Variants in CTNNA2 observed in about 807,000 individuals in gnomAD.
CTNNA2 encodes the protein catenin alpha-2.
A neutral mutation model predicts 101.0 loss-of-function variants in CTNNA2; 42 were observed. The observed-to-expected ratio is 0.42, with a 90% confidence interval of 0.32 to 0.54. The LOEUF (loss-of-function observed/expected upper bound fraction) is 0.54. Among genes scored for constraint, CTNNA2 ranks in the 20% least tolerant of loss-of-function variants. The pLI is 0.14. For synonymous variants in CTNNA2, 450 were observed against 456.4 expected, an observed-to-expected ratio of 0.99 and a Z score of 0.18; for missense variants, 871 against 1,223.1, an observed-to-expected ratio of 0.71 and a Z score of 4.29.
At chr2:80,383,307 T>A (rs1430996585) in intron 7 of CTNNA2, among the ~76,000 whole-genome samples, 2 of 152,164 alleles carry the variant, frequency 1.3e-5, no homozygotes, top group African/African-American at 4.8e-5. Context: ...AAATCATCTA[T>A]CCCTTTCATA....
chr2:79,413,590 TG>T (rs1678442080), intron 4 of CTNNA2, among the ~76,000 whole-genome samples: 1 of 152,064 alleles, frequency 6.6e-6, no homozygotes, highest in African/African-American at 2.4e-5. Flanking sequence ...GAAGTGGAAT[TG>T]CTGAGTCACA....
intron 7 of CTNNA2, among the ~76,000 whole-genome samples, chr2:80,091,482 G>A (rs1699788823): frequency 6.6e-6 from 1 of 152,128 alleles, no homozygotes; most frequent in African/African-American, 2.4e-5. Context: ...GAGAAAGGTT[G>A]TAAAAACGAT....
chr2:80,076,311 C>G (rs1192930836), intron 7 of CTNNA2, among the ~76,000 whole-genome samples: 1 of 151,106 alleles, frequency 6.6e-6, no homozygotes, highest in African/African-American at 2.4e-5. Flanking sequence ...TAGGATCTCA[C>G]TCTGTTGCTA....
intron 6 of CTNNA2, among the ~76,000 whole-genome samples, chr2:79,906,347 G>A (rs11126745): frequency 0.19 from 28,413 of 151,812 alleles, 2,785 homozygotes; most frequent in Admixed American, 0.22. Context: ...ACCTCTTCCC[G>A]TGCACATGTG....
Position 79,209,968 on chromosome 2 carries a change from T to TG in CTNNA2, c.-406+11899dup, listed in dbSNP as rs1261295441. Among the ~76,000 whole-genome samples the TG allele has an allele frequency of 7.5e-5, 11 of 147,230 alleles. No homozygotes were observed. In the South Asian group the frequency reaches 1.6e-3, roughly 21 times the overall value. On this transcript the variant is annotated intron_variant, in intron 2 of 21. Coordinates refer to the CTNNA2 transcript ENST00000466387. Reference sequence around the variant, plus strand: ...TTCTTGGTAGTCTGTGTGTGTGTGTTGGGGGGGCGGGGGTGTGGCGGGGGT... The same window carrying TG: ...TTCTTGGTAGTCTGTGTGTGTGTGTTGGGGGGGGCGGGGGTGTGGCGGGGGT...
At chr2:80,136,487 C>T (rs1702703138) in intron 7 of CTNNA2, among the ~76,000 whole-genome samples, 1 of 152,194 alleles carries the variant, frequency 6.6e-6, no homozygotes, top group Non-Finnish European at 1.5e-5. Flanking sequence ...GTTTCCAAAA[C>T]TTGACCTCTT....
chr2:79,233,786 C>T (rs1235804345), intron 2 of CTNNA2, among the ~76,000 whole-genome samples: 1 of 151,808 alleles, frequency 6.6e-6, no homozygotes, highest in South Asian at 2.1e-4. Context: ...TGAAATGAAC[C>T]CTTTATCATT....
chr2:79,460,962 C>T (rs1423179265), intron 4 of CTNNA2, among the ~76,000 whole-genome samples: 2 of 152,164 alleles, frequency 1.3e-5, no homozygotes, highest in Non-Finnish European at 2.9e-5. Flanking sequence ...CTGTCTCAGC[C>T]TCCCAAGTAG....
intron 2 of CTNNA2, among the ~76,000 whole-genome samples, chr2:79,256,044 A>G (rs1674840052): frequency 6.6e-6 from 1 of 152,154 alleles, no homozygotes; most frequent in South Asian, 2.1e-4. Flanking sequence ...CAATTATCTC[A>G]TGGAGTTATT....
chr2:80,570,909 G>A (rs577893262), intron 12 of CTNNA2, among the ~76,000 whole-genome samples: 20 of 152,194 alleles, frequency 1.3e-4, no homozygotes, highest in Non-Finnish European at 2.4e-4. Context: ...GTATGTCACA[G>A]CATTACTAGA....
chr2:80,636,334 T>TA (rs1672880807), intron 18 of CTNNA2, among the ~76,000 whole-genome samples: 2 of 152,106 alleles, frequency 1.3e-5, no homozygotes, highest in Non-Finnish European at 2.9e-5. Flanking sequence ...AGATTAAAAA[T>TA]TATGCATTTA....
intron 2 of CTNNA2, among the ~76,000 whole-genome samples, chr2:79,720,645 T>A (rs1420300625): frequency 6.6e-6 from 1 of 152,116 alleles, no homozygotes. Flanking sequence ...ATTTTCTTTG[T>A]GACTTTGTAA....
chr2:79,433,056 A>T (rs1678673822), intron 4 of CTNNA2, among the ~76,000 whole-genome samples: 1 of 152,212 alleles, frequency 6.6e-6, no homozygotes, highest in Admixed American at 6.5e-5. Context: ...CGATGCCAGC[A>T]TGTGGTGCGA....
Position 80,034,084 on chromosome 2 carries a change from G to C in CTNNA2, c.1056+124287G>C, listed in dbSNP as rs185226401. On this transcript the variant is annotated intron_variant, in intron 7 of 18. Transcript: ENST00000402739. ...ACTGAAAATCCATTAATCATTAAAGGAAAGGATAAATCCAACCATATGAAA... is the reference window on the plus strand; with the variant it reads ...ACTGAAAATCCATTAATCATTAAAGCAAAGGATAAATCCAACCATATGAAA... Among the ~76,000 whole-genome samples, 497 of 150,998 alleles carry C rather than the reference G, an allele frequency of 3.3e-3. 2 individuals carry two copies. The highest frequency in any genetic ancestry group is 5.8e-3 in the Non-Finnish European group (393 of 67,836).
chr2:80,062,804 C>T (rs1203090412), intron 7 of CTNNA2, among the ~76,000 whole-genome samples: 2 of 150,064 alleles, frequency 1.3e-5, no homozygotes, highest in Non-Finnish European at 2.9e-5. Flanking sequence ...CTGCCATGTT[C>T]ACGCCATTCT....
chr2:79,862,995 T>C (rs1156595376), intron 4 of CTNNA2, among the ~76,000 whole-genome samples: 1 of 152,140 alleles, frequency 6.6e-6, no homozygotes, highest in African/African-American at 2.4e-5. Flanking sequence ...TCTTTCTTTC[T>C]CCTCCTTACT....
intron 2 of CTNNA2, among the ~76,000 whole-genome samples, chr2:79,672,324 A>G (rs1682894039): frequency 6.6e-6 from 1 of 152,204 alleles, no homozygotes; most frequent in Non-Finnish European, 1.5e-5. Context: ...AGAATTTTAT[A>G]AATTACTCAC....
rs1045084366 is a variant in CTNNA2, at chr2:80,396,066, C to G, written c.1137+2775C>G. Among the ~76,000 whole-genome samples, 3 of 152,086 alleles carry G rather than the reference C, an allele frequency of 2.0e-5. No homozygotes were observed. In the South Asian group the frequency reaches 6.2e-4, roughly 32 times the overall value. The stretch of plus-strand genomic sequence containing the variant: ...AATCATGATCATTATCTTGGACTTT[C>G]CTAATGAAAGAAAGTGGAATTAGAC... On this transcript the variant is annotated intron_variant, in intron 8 of 18. Transcript: ENST00000402739.
At chr2:80,553,236 A>AT (rs1491237074) in intron 11 of CTNNA2, among the ~76,000 whole-genome samples, 4 of 15,142 alleles carry the variant, frequency 2.6e-4, no homozygotes, top group East Asian at 8.9e-4. Context: ...AAAAAAAAAT[A>AT]AAATAAAATA....
Sources: gnomAD v4.1 joint callset for allele counts (sites outside exome capture counted in the v4.1 genomes callset) on GRCh38, gnomAD v4.1.1 for gene constraint, MANE v1.5 for transcripts, NCBI Gene and HGNC (gene_info 2026-07-23, HGNC 2026-07-21) for gene names.